Variants in MYO1B observed in about 807,000 individuals in gnomAD.
MYO1B encodes the protein myosin IB, also known as unconventional myosin-Ib.
MYO1B carries 72 observed loss-of-function variants against 159.7 expected under a neutral mutation model. That is an observed-to-expected ratio of 0.45 (90% CI 0.37 to 0.55). The LOEUF (loss-of-function observed/expected upper bound fraction) is 0.55, where lower values mean the gene tolerates loss of function less well. Ranked by LOEUF, MYO1B falls within the 20% of genes least tolerant of loss-of-function variation. The probability of loss-of-function intolerance (pLI) is 0.00; values close to 1 mark genes in which losing one functional copy is unlikely to be tolerated. For synonymous variants in MYO1B, 468 were observed against 473.8 expected (o/e 0.99, Z 0.16); for missense variants, 1,062 against 1,364.8 (o/e 0.78, Z 3.50).
At chr2:191,370,111 G>T in intron 12 of MYO1B, 116 bp from the exon 13 acceptor site, 1 of 689,844 alleles carries the variant, frequency 1.4e-6, no homozygotes, top group Non-Finnish European at 2.4e-6. Flanking sequence ...AACTAAATTA[G>T]TTATTTTCTT....
At position 191,382,092 on chromosome 2, in the gene MYO1B, A is replaced by G. The variant is rs914986187; in HGVS notation, c.1290+526A>G. 2.0e-5 allele frequency among the ~76,000 whole-genome samples: 3 copies of G among 152,302 alleles called. No homozygotes were observed. The East Asian group carries it at 5.8e-4, about 29-fold the overall frequency. On this transcript the variant is annotated intron_variant, in intron 14 of 30. Coordinates refer to ENST00000392318, the MANE Select transcript of MYO1B (RefSeq NM_001130158.3). ...TGCAGAGTCTTTTCATCATTAATTT[A>G]AAAATATATATTTGCTTTTCACCCT...
In MYO1B at chr2:191,398,343, C is replaced by T. The variant is rs1209979875; in HGVS notation, c.2295+1846C>T. Among the ~76,000 whole-genome samples, 8 of 120,298 alleles carry T rather than the reference C, an allele frequency of 6.7e-5. 1 individual carries two copies. The highest frequency in any genetic ancestry group is 1.5e-4 in the Non-Finnish European group (8 of 53,400). 78.9% of individuals were successfully genotyped at this position (120,298 alleles called of 152,430 possible). A position where few individuals can be genotyped will look rare whatever the true frequency, so the allele number is the denominator to read the frequency against. ...CTGGGCGGCTGGCCGGGCAGGGGGG[C>T]TCCTCACTTCCCAGTAGGGGCGGCT... is the stretch of plus-strand genomic sequence containing the variant. On this transcript the variant is annotated intron_variant, in intron 21 of 30. Coordinates refer to ENST00000392318, the MANE Select transcript of MYO1B (RefSeq NM_001130158.3).
At chr2:191,314,396 G>T (rs1457490115) in intron 3 of MYO1B, among the ~76,000 whole-genome samples, 2 of 152,188 alleles carry the variant, frequency 1.3e-5, no homozygotes, top group Non-Finnish European at 2.9e-5. Context: ...GTGATTATTT[G>T]AAGATGTTTT....
chr2:191,285,454 C>T (rs974846297), intron 2 of MYO1B, among the ~76,000 whole-genome samples: 10 of 152,140 alleles, frequency 6.6e-5, no homozygotes, highest in African/African-American at 1.2e-4. Context: ...TCGGCAGCCA[C>T]GGTTTGCGGG....
intron 1 of MYO1B, among the ~76,000 whole-genome samples, chr2:191,268,288 A>G (rs1021271193): frequency 6.6e-6 from 1 of 152,114 alleles, no homozygotes; most frequent in African/African-American, 2.4e-5. Context: ...TGCCTTTTTG[A>G]TGTGTCTTCA....
Position 191,296,137 on chromosome 2 carries a change from T to C in MYO1B, c.162T>C (p.Ser54=). The C allele has an allele frequency of 6.2e-7, 1 of 1,603,532 alleles. No homozygotes were observed. The highest frequency in any genetic ancestry group is 8.5e-7 in the Non-Finnish European group (1 of 1,173,128). ...CATACATTGGAAGTGTGGTTATATC[T>C]GTTAACCCATACCGGTCTTTACCCA... is the stretch of plus-strand genomic sequence containing the variant. ...IYTYIGSVVI[S]VNPYRSLPIY... is the part of the protein sequence containing the mutation. The change falls in exon 3 of 31, where the codon TCT becomes TCC. Residue 54 remains serine (S), a synonymous_variant. Transcript: ENST00000392318.
chr2:191,417,599 A>T (rs1697653561), intron 30 of MYO1B, among the ~76,000 whole-genome samples: 1 of 152,216 alleles, frequency 6.6e-6, no homozygotes, highest in Non-Finnish European at 1.5e-5. Flanking sequence ...GAATAAACTC[A>T]TCTTTACACA....
chr2:191,395,035 G>C (rs1695985717), intron 20 of MYO1B, among the ~76,000 whole-genome samples: 1 of 152,114 alleles, frequency 6.6e-6, no homozygotes, highest in South Asian at 2.1e-4. Context: ...TTTCTTGAAT[G>C]CTCCTTTTTA....
chr2:191,348,010 G>T (rs1355770773), intron 6 of MYO1B, among the ~76,000 whole-genome samples: 1 of 152,156 alleles, frequency 6.6e-6, no homozygotes, highest in Non-Finnish European at 1.5e-5. Flanking sequence ...CCATGGAGAT[G>T]CCTCACAGTG....
intron 3 of MYO1B, among the ~76,000 whole-genome samples, chr2:191,300,313 A>G (rs1689234930): frequency 6.6e-6 from 1 of 151,550 alleles, no homozygotes; most frequent in South Asian, 2.1e-4. Flanking sequence ...AACTTACCCA[A>G]TATTACATTT....
At chr2:191,350,591 A>T (rs1559191127) in intron 7 of MYO1B, among the ~76,000 whole-genome samples, 1 of 152,116 alleles carries the variant, frequency 6.6e-6, no homozygotes. Context: ...GATAAAAAAA[A>T]TATAAATAAT....
chr2:191,374,579 G>A (rs1694580102), intron 13 of MYO1B, among the ~76,000 whole-genome samples: 1 of 152,180 alleles, frequency 6.6e-6, no homozygotes, highest in Admixed American at 6.5e-5. Flanking sequence ...TAAACCATGG[G>A]TTGATGACAC....
chr2:191,311,590 A>G (rs1690006728), intron 3 of MYO1B, among the ~76,000 whole-genome samples: 2 of 152,118 alleles, frequency 1.3e-5, no homozygotes, highest in Admixed American at 6.6e-5. Flanking sequence ...GCTTCTATCT[A>G]TATTTATAAT....
chr2:191,253,043 T>TA (rs1438110138), intron 1 of MYO1B, among the ~76,000 whole-genome samples: 1 of 149,830 alleles, frequency 6.7e-6, no homozygotes, highest in African/African-American at 2.4e-5. Context: ...AGTTGTTCCA[T>TA]AAAAAATTAG....
intron 27 of MYO1B, among the ~76,000 whole-genome samples, chr2:191,413,623 T>C (rs2126175372): frequency 6.6e-6 from 1 of 152,342 alleles, no homozygotes; most frequent in African/African-American, 2.4e-5. Flanking sequence ...GTGATGGTAA[T>C]GATTTCAGCT....
chr2:191,400,452 A>G lies in MYO1B; in HGVS notation c.2366A>G (p.Tyr789Cys), dbSNP rs766694705. 7 of 1,614,090 alleles carry G rather than the reference A, an allele frequency of 4.3e-6. No homozygotes were observed. Among genetic ancestry groups the G allele is most frequent in the Non-Finnish European group, 5.9e-6 (7 of 1,180,024 alleles). Residue 789 changes from tyrosine (Y) to cysteine (C), a missense_variant, in exon 22 of 31, where the codon TAT becomes TGT. Physicochemically the swap from Tyr to Cys is radical, Grantham distance 194. Coordinates refer to ENST00000392318, the MANE Select transcript of MYO1B (RefSeq NM_001130158.3). The stretch of plus-strand genomic sequence containing the variant: ...GAAGCAGTCACGACCATTGCTGCAT[A>G]TTGGCATGGGACCCAGGTAGGCCCG... ...CKEAVTTIAA[Y>C]WHGTQARREL...
chr2:191,336,967 C>T (rs1028693621), intron 4 of MYO1B, among the ~76,000 whole-genome samples: 4 of 152,126 alleles, frequency 2.6e-5, no homozygotes, highest in African/African-American at 4.8e-5. Flanking sequence ...GATCAATATG[C>T]GACATACATG....
intron 24 of MYO1B, among the ~76,000 whole-genome samples, chr2:191,406,526 T>C (rs750996936): frequency 9.9e-5 from 15 of 152,212 alleles, no homozygotes; most frequent in South Asian, 2.1e-4. Flanking sequence ...TGTAGGATTA[T>C]TAATTCAATA....
intron 1 of MYO1B, among the ~76,000 whole-genome samples, chr2:191,265,850 C>T (rs1423400539): frequency 1.3e-5 from 2 of 152,146 alleles, no homozygotes; most frequent in African/African-American, 4.8e-5. Flanking sequence ...GACGTTAGCT[C>T]ATTAATTCTC....
Sources: gnomAD v4.1 joint callset for allele counts (sites outside exome capture counted in the v4.1 genomes callset) on GRCh38, gnomAD v4.1.1 for gene constraint, MANE v1.5 for transcripts, NCBI Gene and HGNC (gene_info 2026-07-23, HGNC 2026-07-21) for gene names.